The following WDPCP variants were observed in gnomAD, a reference collection of about 807,000 sequenced individuals.
The protein encoded by WDPCP is WD repeat containing planar cell polarity effector.
Under a neutral mutation model 93.1 loss-of-function variants are expected in WDPCP, and 71 were observed. That is an observed-to-expected ratio of 0.76 (90% CI 0.63 to 0.93). The LOEUF (loss-of-function observed/expected upper bound fraction) is 0.93. Among genes scored for constraint, WDPCP ranks in the 40% least tolerant of loss-of-function variants. The pLI, the probability that WDPCP is intolerant of heterozygous loss-of-function variation, is 0.00. For missense variants in WDPCP, 844 were observed against 887.4 expected (o/e 0.95, Z 0.62); for synonymous variants, 315 against 315.0 (o/e 1.00, Z 0.00).
chr2:63,205,963 G>A (rs1030351742), intron 14 of WDPCP, among the ~76,000 whole-genome samples: 10 of 152,158 alleles, frequency 6.6e-5, no homozygotes, highest in African/African-American at 2.2e-4. Context: ...CTGTGGGTCT[G>A]TCATATATGG....
intron 15 of WDPCP, among the ~76,000 whole-genome samples, chr2:63,171,276 G>A (rs575049347): frequency 5.4e-4 from 82 of 152,290 alleles, no homozygotes; most frequent in African/African-American, 1.7e-3. Context: ...GCAGATCACA[G>A]ACGGAGAAAA....
chr2:63,229,891 GAA>G (rs559412469), intron 14 of WDPCP: 219 of 115,026 alleles, frequency 1.9e-3, no homozygotes, highest in South Asian at 8.1e-3. Context: ...CCAGAAAAAG[GAA>G]AAAAAAAAAA....
intron 3 of WDPCP, among the ~76,000 whole-genome samples, chr2:63,638,046 T>G (rs759025572): frequency 2.6e-5 from 4 of 152,232 alleles, no homozygotes; most frequent in Non-Finnish European, 5.9e-5. Context: ...AAATGTGTTA[T>G]GTATGTACAA....
intron 2 of WDPCP, among the ~76,000 whole-genome samples, chr2:63,749,147 T>C (rs752414505): frequency 1.2e-4 from 19 of 152,072 alleles, no homozygotes; most frequent in Non-Finnish European, 2.5e-4. Context: ...ACACTGACTG[T>C]TTAGAACTTT....
At chr2:63,263,305 T>C (rs898208918) in intron 13 of WDPCP, among the ~76,000 whole-genome samples, 4 of 152,252 alleles carry the variant, frequency 2.6e-5, no homozygotes, top group African/African-American at 9.6e-5. Context: ...TGAAACTTAA[T>C]TGCCAATGCA....
intron 12 of WDPCP, among the ~76,000 whole-genome samples, chr2:63,371,286 C>T (rs1691360345): frequency 6.6e-6 from 1 of 152,240 alleles, no homozygotes; most frequent in East Asian, 1.9e-4. Flanking sequence ...AAATCCACCA[C>T]TCTATCTTCA....
At chr2:63,223,584 A>G (rs1678019372) in intron 14 of WDPCP, among the ~76,000 whole-genome samples, 1 of 152,036 alleles carries the variant, frequency 6.6e-6, no homozygotes, top group South Asian at 2.1e-4. Context: ...GAAACATAAG[A>G]CTCACTACAA....
At chr2:63,297,209 G>C (rs748943936) in intron 13 of WDPCP, among the ~76,000 whole-genome samples, 1 of 152,064 alleles carries the variant, frequency 6.6e-6, no homozygotes, top group Non-Finnish European at 1.5e-5. Context: ...AAAAGCATGT[G>C]GTTTATATAG....
At chr2:63,798,957 G>T (rs922630056) in intron 2 of WDPCP, among the ~76,000 whole-genome samples, 3 of 152,114 alleles carry the variant, frequency 2.0e-5, no homozygotes, top group Admixed American at 6.5e-5. Context: ...TAGATTTCAA[G>T]AATTACTTAT....
chr2:63,534,671 T>TA (rs1421078927), intron 1 of WDPCP, among the ~76,000 whole-genome samples: 11 of 152,324 alleles, frequency 7.2e-5, no homozygotes, highest in African/African-American at 2.2e-4. Flanking sequence ...CGCTTCATGC[T>TA]AAAAACTCTG....
At chr2:63,747,118 A>G (rs1669810701) in intron 2 of WDPCP, among the ~76,000 whole-genome samples, 1 of 152,130 alleles carries the variant, frequency 6.6e-6, no homozygotes, top group Admixed American at 6.6e-5. Context: ...TTTCCCTGAT[A>G]AAATGTCTGG....
intron 3 of WDPCP, chr2:63,622,845 G>A: frequency 6.3e-7 from 1 of 1,599,980 alleles, no homozygotes; most frequent in Non-Finnish European, 8.5e-7. Flanking sequence ...CCTGGCCGAA[G>A]TGGGCTCAGC....
intron 14 of WDPCP, among the ~76,000 whole-genome samples, chr2:63,244,031 G>A (rs1680073449): frequency 2.0e-5 from 3 of 151,714 alleles, no homozygotes; most frequent in Non-Finnish European, 2.9e-5. Flanking sequence ...CATACCAAAC[G>A]ACACTCTTAG....
chr2:63,800,560 C>G, intron 2 of WDPCP, among the ~76,000 whole-genome samples: 1 of 151,972 alleles, frequency 6.6e-6, no homozygotes, highest in African/African-American at 2.4e-5. Flanking sequence ...GATTACTGCC[C>G]ATAGCAGATA....
At chr2:63,545,561 T>C (rs1308336266) in intron 1 of WDPCP, among the ~76,000 whole-genome samples, 1 of 152,098 alleles carries the variant, frequency 6.6e-6, no homozygotes, top group African/African-American at 2.4e-5. Context: ...CACCCTGTGA[T>C]AATCTACCCG....
intron 14 of WDPCP, among the ~76,000 whole-genome samples, chr2:63,186,005 TAAAGGGTAGAAACACTGCTGCTGC>T (rs1674611721): frequency 6.6e-6 from 1 of 151,830 alleles, no homozygotes; most frequent in South Asian, 2.1e-4. Flanking sequence ...ATATGCCCAG[TAAAGGGTAGAAACACTGCTGCTGC>T]ACCAGGTTCC....
intron 2 of WDPCP, among the ~76,000 whole-genome samples, chr2:63,669,865 G>A (rs1437992502): frequency 1.3e-5 from 2 of 152,102 alleles, no homozygotes; most frequent in African/African-American, 4.8e-5. Flanking sequence ...ACAGCTTGCA[G>A]GACAGTACAT....
intron 6 of WDPCP, among the ~76,000 whole-genome samples, chr2:63,447,416 A>G (rs1697941922): frequency 6.6e-6 from 1 of 152,144 alleles, no homozygotes; most frequent in Non-Finnish European, 1.5e-5. Context: ...AAAAAAGGGA[A>G]CGCTTAAAAT....
Position 63,123,466 on chromosome 2 carries a change from A to G in WDPCP, c.2191-1410T>C, listed in dbSNP as rs576989943. 2.5e-3 allele frequency among the ~76,000 whole-genome samples: 375 copies of G among 152,210 alleles called. 3 individuals carry two copies. Among genetic ancestry groups the G allele is most frequent in the Middle Eastern group, 0.02 (6 of 294 alleles). On this transcript the variant is annotated intron_variant, in intron 17 of 17. Transcript: ENST00000272321. ...AATCCTCTCTTACCTTAGGAATTAC[A>G]TTTTAAAAAGTAAGAATCATAGAAT...
Sources: gnomAD v4.1 joint callset for allele counts (sites outside exome capture counted in the v4.1 genomes callset) on GRCh38, gnomAD v4.1.1 for gene constraint, MANE v1.5 for transcripts, NCBI Gene and HGNC (gene_info 2026-07-23, HGNC 2026-07-21) for gene names.